The following NFKB1 variants were observed in gnomAD, a reference collection of about 807,000 sequenced individuals.
The protein encoded by NFKB1 is nuclear factor kappa B subunit 1.
NFKB1 carries 9 observed loss-of-function variants against 105.1 expected under a neutral mutation model. The ratio of observed to expected loss-of-function variants is 0.09; its 90% CI spans 0.05 to 0.15. NFKB1 has a LOEUF of 0.15. Ranked by LOEUF, NFKB1 falls within the 10% of genes least tolerant of loss-of-function variation. The pLI is 1.00. For missense variants in NFKB1, 830 were observed against 1,203.7 expected (o/e 0.69, Z 4.59); for synonymous variants, 440 against 442.2 (o/e 1.00, Z 0.06).
intron 5 of NFKB1, among the ~76,000 whole-genome samples, chr4:102,545,338 A>G (rs1340384487): frequency 6.6e-6 from 1 of 152,130 alleles, no homozygotes; most frequent in Non-Finnish European, 1.5e-5. Flanking sequence ...TTTCACAGAC[A>G]ATGCTTTTTG....
At chr4:102,508,353 T>C (rs1292913366) in intron 1 of NFKB1, among the ~76,000 whole-genome samples, 5 of 152,272 alleles carry the variant, frequency 3.3e-5, no homozygotes, top group Non-Finnish European at 7.4e-5. Context: ...AAGAAGCATG[T>C]GTGGGTGGCT....
chr4:102,593,278 T>C, intron 11 of NFKB1, 147 bp from the exon 12 acceptor site: 1 of 792,062 alleles, frequency 1.3e-6, no homozygotes, highest in East Asian at 2.5e-5. Flanking sequence ...ATAACGCTTC[T>C]TGAAATTTAC....
chr4:102,540,605 C>G (rs1741935625), intron 5 of NFKB1, among the ~76,000 whole-genome samples: 1 of 152,096 alleles, frequency 6.6e-6, no homozygotes, highest in African/African-American at 2.4e-5. Context: ...GGAGGAGGAA[C>G]TTAGAGGTTA....
chr4:102,597,535 A>G lies in NFKB1; in HGVS notation c.1511A>G (p.Glu504Gly). Residue 504 changes from glutamate to glycine, a missense_variant, in exon 15 of 24, where the codon GAG (glutamate) becomes GGG (glycine). Glu to Gly is a moderately conservative substitution (Grantham distance 98). Coordinates refer to ENST00000226574, the MANE Select transcript of NFKB1 (RefSeq NM_003998.4). ...SAGVQDNLFL[E>G]KAMQLAKRHA... ...TGCCTTACAGATAACCTCTTTCTAG[A>G]GAAGGCTATGCAGCTTGCAAAGAGG... 2 of 1,611,832 alleles carry G rather than the reference A, an allele frequency of 1.2e-6. No individual in the cohort carries two copies. Among genetic ancestry groups the G allele is most frequent in the South Asian group, 1.1e-5 (1 of 90,438 alleles).
chr4:102,558,975 G>A (rs1188402643), intron 5 of NFKB1, among the ~76,000 whole-genome samples: 2 of 152,336 alleles, frequency 1.3e-5, no homozygotes, highest in South Asian at 2.1e-4. Context: ...AGAGTGGTCA[G>A]TGAAGGCCAC....
At chr4:102,518,022 C>CTG (rs1407468265) in intron 1 of NFKB1, among the ~76,000 whole-genome samples, 2 of 152,128 alleles carry the variant, frequency 1.3e-5, no homozygotes, top group African/African-American at 4.8e-5. Context: ...GAGCCTATTA[C>CTG]TGTCATTCAG....
At chr4:102,515,389 C>T (rs558946696) in intron 1 of NFKB1, among the ~76,000 whole-genome samples, 11 of 152,136 alleles carry the variant, frequency 7.2e-5, no homozygotes, top group African/African-American at 1.9e-4. Context: ...GGATTACAGG[C>T]GTGAGCCACC....
chr4:102,614,202 C>T (rs1413953490), intron 23 of NFKB1, among the ~76,000 whole-genome samples: 1 of 152,160 alleles, frequency 6.6e-6, no homozygotes, highest in Non-Finnish European at 1.5e-5. Flanking sequence ...GCACCAAGTG[C>T]CAGCCCACCT....
chr4:102,518,912 G>T (rs901197779), intron 1 of NFKB1, among the ~76,000 whole-genome samples: 9 of 152,178 alleles, frequency 5.9e-5, no homozygotes, highest in Non-Finnish European at 1.2e-4. Context: ...TCATTGCAAG[G>T]CCTCTTATAA....
At chr4:102,520,726 A>T (rs1197086580) in intron 1 of NFKB1, among the ~76,000 whole-genome samples, 1 of 152,120 alleles carries the variant, frequency 6.6e-6, no homozygotes, top group Non-Finnish European at 1.5e-5. Flanking sequence ...TTCTTTCATC[A>T]CCACTAAGCC....
chr4:102,583,820 C>G (rs1432578034), intron 10 of NFKB1, among the ~76,000 whole-genome samples: 5 of 152,028 alleles, frequency 3.3e-5, no homozygotes, highest in Non-Finnish European at 7.4e-5. Flanking sequence ...TGGAAACAAT[C>G]CAGATATTCA....
In NFKB1 at chr4:102,502,390, G is replaced by GCGCGCACACACA. The variant is rs1311577382; in HGVS notation, c.-8+603_-8+604insGCGCACACACAC. On this transcript the variant is annotated intron_variant, in intron 1 of 23. Coordinates refer to ENST00000226574, the MANE Select transcript of NFKB1 (RefSeq NM_003998.4). ...CCCCCCTCCGTGCGCGCGCGCGCGCGCACACACACACACACACACACACAC... is the reference window on the plus strand; with the variant it reads ...CCCCCCTCCGTGCGCGCGCGCGCGCGCGCGCACACACACACACACACACACACACACACACAC... Among the ~76,000 whole-genome samples the GCGCGCACACACA allele has an allele frequency of 3.1e-3, 324 of 105,370 alleles. 6 individuals carry two copies. The highest frequency in any genetic ancestry group is 0.012 in the African/African-American group (292 of 23,988). The allele number at this position is 105,370 out of a possible 152,430, so 69.1% of individuals were successfully genotyped here. A position where few individuals can be genotyped will look rare whatever the true frequency, so the allele number is the denominator to read the frequency against.
intron 1 of NFKB1, among the ~76,000 whole-genome samples, chr4:102,523,343 T>A (rs1740688238): frequency 6.6e-6 from 1 of 152,224 alleles, no homozygotes; most frequent in East Asian, 1.9e-4. Flanking sequence ...TGCATGAACT[T>A]CATGTTCTGA....
At chr4:102,580,778 C>T (rs991240029) in intron 9 of NFKB1, 139 bp downstream of exon 9, 5 of 600,018 alleles carry the variant, frequency 8.3e-6, no homozygotes, top group African/African-American at 1.9e-5. Context: ...AAAGCATTTA[C>T]GTTTTACCTC....
At chr4:102,515,277 A>AT (rs1740091128) in intron 1 of NFKB1, among the ~76,000 whole-genome samples, 1 of 148,652 alleles carries the variant, frequency 6.7e-6, no homozygotes, top group South Asian at 2.1e-4. Flanking sequence ...CGCCCGGCTA[A>AT]TTTTTTGTAT....
chr4:102,576,819 C>G, intron 6 of NFKB1, 57 bp from the exon 7 acceptor site: 1 of 1,540,006 alleles, frequency 6.5e-7, no homozygotes, highest in East Asian at 2.3e-5. Flanking sequence ...ATTCCCTAGA[C>G]ATTAAGTGCC....
intron 11 of NFKB1, among the ~76,000 whole-genome samples, chr4:102,589,014 A>G (rs1207395294): frequency 6.6e-6 from 1 of 152,192 alleles, no homozygotes; most frequent in Non-Finnish European, 1.5e-5. Flanking sequence ...GAAAGTCTCC[A>G]TATTCAATTC....
intron 11 of NFKB1, among the ~76,000 whole-genome samples, chr4:102,592,802 T>C (rs935272603): frequency 6.6e-6 from 1 of 152,160 alleles, no homozygotes. Context: ...CCTCTTCTTA[T>C]ATAAAACTGA....
chr4:102,611,985 A>G, intron 20 of NFKB1, 59 bp from the exon 21 acceptor site: 1 of 1,380,358 alleles, frequency 7.2e-7, no homozygotes, highest in South Asian at 1.2e-5. Context: ...ATAAAGAAAC[A>G]GACTGCCCTA....
Sources: gnomAD v4.1 joint callset for allele counts (sites outside exome capture counted in the v4.1 genomes callset) on GRCh38, gnomAD v4.1.1 for gene constraint, MANE v1.5 for transcripts, NCBI Gene and HGNC (gene_info 2026-07-23, HGNC 2026-07-21) for gene names.